ZBTB20: variants seen among roughly 807,000 people sequenced by gnomAD.
The protein encoded by ZBTB20 is zinc finger and BTB domain-containing protein 20.
ZBTB20 carries 9 observed loss-of-function variants against 56.9 expected under a neutral mutation model. The observed-to-expected ratio is 0.16, with a 90% confidence interval of 0.10 to 0.28. ZBTB20 has a LOEUF of 0.28. Among genes scored for constraint, ZBTB20 ranks in the 10% least tolerant of loss-of-function variants. The probability of loss-of-function intolerance (pLI) is 1.00; values close to 1 mark genes in which losing one functional copy is unlikely to be tolerated. For missense variants in ZBTB20, 655 were observed against 1,003.0 expected (o/e 0.65, Z 4.69); for synonymous variants, 417 against 420.7 (o/e 0.99, Z 0.11).
chr3:114,438,425 AC>A (rs1422837811), intron 7 of ZBTB20, among the ~76,000 whole-genome samples: 61 of 115,830 alleles, frequency 5.3e-4, no homozygotes, highest in Middle Eastern at 4.5e-3. Context: ...CCAAAAAAAA[AC>A]AAAAAAAACC....
At chr3:114,533,668 C>T (rs1398842981) in intron 6 of ZBTB20, among the ~76,000 whole-genome samples, 1 of 152,002 alleles carries the variant, frequency 6.6e-6, no homozygotes, top group Non-Finnish European at 1.5e-5. Flanking sequence ...AGAAGAGCAA[C>T]CCCAAGACAC....
chr3:114,347,077 GTTTTTTTTTTTTTTTTTTTTTT>G (rs59044965), intron 11 of ZBTB20, among the ~76,000 whole-genome samples: 1 of 71,022 alleles, frequency 1.4e-5, no homozygotes, highest in Non-Finnish European at 2.5e-5. Flanking sequence ...TTCTCTTCAG[GTTTTTTTTTTTTTTTTTTTTTT>G]TTTTTTTTTT....
chr3:114,836,842 G>A (rs546884197), intron 4 of ZBTB20, among the ~76,000 whole-genome samples: 1 of 152,186 alleles, frequency 6.6e-6, no homozygotes. Flanking sequence ...TGAAATGCAG[G>A]AAAGATGATA....
intron 1 of ZBTB20, among the ~76,000 whole-genome samples, chr3:115,091,432 C>G (rs2083189124): frequency 6.6e-6 from 1 of 151,844 alleles, no homozygotes; most frequent in Non-Finnish European, 1.5e-5. Context: ...GTATGTTACC[C>G]CAAATAATAG....
At chr3:114,489,024 A>C (rs1454734306) in intron 7 of ZBTB20, among the ~76,000 whole-genome samples, 1 of 152,194 alleles carries the variant, frequency 6.6e-6, no homozygotes, top group Non-Finnish European at 1.5e-5. Context: ...GAGAAAGATA[A>C]ACAGGACTGT....
At chr3:115,143,642 T>G (rs1021970536) in intron 1 of ZBTB20, among the ~76,000 whole-genome samples, 2 of 152,224 alleles carry the variant, frequency 1.3e-5, no homozygotes, top group African/African-American at 4.8e-5. Flanking sequence ...GGGATAATAC[T>G]ATGTAGGAAT....
intron 6 of ZBTB20, among the ~76,000 whole-genome samples, chr3:114,567,271 T>C (rs2052886718): frequency 6.6e-6 from 1 of 152,208 alleles, no homozygotes; most frequent in Non-Finnish European, 1.5e-5. Flanking sequence ...TTTCTAGCAA[T>C]TATCTATCTA....
At chr3:115,011,590 A>C (rs897369474) in intron 2 of ZBTB20, among the ~76,000 whole-genome samples, 5 of 151,826 alleles carry the variant, frequency 3.3e-5, no homozygotes, top group African/African-American at 1.2e-4. Flanking sequence ...AGAAATGAAG[A>C]CTTTCCCAGA....
intron 4 of ZBTB20, among the ~76,000 whole-genome samples, chr3:114,890,069 C>G (rs1015482965): frequency 2.0e-5 from 3 of 152,126 alleles, no homozygotes; most frequent in Admixed American, 6.5e-5. Flanking sequence ...AACAGAGAAA[C>G]TTAAATCCCT....
Position 114,328,343 on chromosome 3 carries a change from T to C in ZBTB20, c.*10662A>G, listed in dbSNP as rs1348685036. 2 of 152,166 alleles carry C rather than the reference T, an allele frequency of 1.3e-5. No homozygotes were observed. Among genetic ancestry groups the C allele is most frequent in the Non-Finnish European group, 2.9e-5 (2 of 68,032 alleles). 9.4% of individuals were successfully genotyped at this position (152,166 alleles called of 1,614,324 possible). ...GAGCTCACTAAGGCTTGAACAGTTATCAAAATTATTTTGAAATGTTACTCT... is the reference window on the plus strand; with the variant it reads ...GAGCTCACTAAGGCTTGAACAGTTACCAAAATTATTTTGAAATGTTACTCT... On this transcript the variant is annotated 3_prime_UTR_variant, in exon 12 of 12. Transcript: ENST00000675478.
intron 3 of ZBTB20, chr3:114,904,236 C>T (rs1037395793): frequency 3.3e-5 from 5 of 151,936 alleles, no homozygotes; most frequent in African/African-American, 1.2e-4. Context: ...TTCATCTTCC[C>T]TTCATACTAG....
At chr3:114,416,374 G>A (rs1174885138) in intron 7 of ZBTB20, among the ~76,000 whole-genome samples, 6 of 150,946 alleles carry the variant, frequency 4.0e-5, no homozygotes, top group African/African-American at 1.5e-4. Flanking sequence ...TTAGAACCTG[G>A]AAGATAAAGA....
chr3:114,474,460 C>A (rs574960369), intron 7 of ZBTB20, among the ~76,000 whole-genome samples: 1 of 152,298 alleles, frequency 6.6e-6, no homozygotes, highest in Admixed American at 6.5e-5. Context: ...ATAAACCACA[C>A]ATAATCCTCC....
At chr3:115,048,475 A>G (rs6780986) in intron 2 of ZBTB20, among the ~76,000 whole-genome samples, 147,932 of 152,234 alleles carry the variant, frequency 0.97, 72,027 homozygotes, top group East Asian at 1. Context: ...GGGTTTATAT[A>G]ATTTATACTG....
At chr3:114,448,952 T>C (rs2091436901) in intron 7 of ZBTB20, among the ~76,000 whole-genome samples, 1 of 152,154 alleles carries the variant, frequency 6.6e-6, no homozygotes, top group Admixed American at 6.6e-5. Flanking sequence ...TGAATGTATA[T>C]ATATACCTGC....
At position 114,380,744 on chromosome 3, in the gene ZBTB20, C is replaced by T. The variant is rs959631752; in HGVS notation, c.11+33G>A. The T allele has an allele frequency of 5.4e-6, 8 of 1,489,670 alleles. No individual in the cohort carries two copies. The African/African-American group carries it at 5.6e-5, about 10-fold the overall frequency. The allele number at this position is 1,489,670 out of a possible 1,614,324, so 92.3% of individuals were successfully genotyped here. A position where few individuals can be genotyped will look rare whatever the true frequency, so the allele number is the denominator to read the frequency against. Reference sequence around the variant, plus strand: ...CCTCTTCCCCCCTTAGGAGTTTTAACATGGTCTGGAAAAATACTAGTGGAA... The same window carrying T: ...CCTCTTCCCCCCTTAGGAGTTTTAATATGGTCTGGAAAAATACTAGTGGAA... On this transcript the variant is annotated intron_variant, in intron 9 of 11. Coordinates refer to ENST00000675478, the MANE Select transcript of ZBTB20 (RefSeq NM_001348800.3).
intron 7 of ZBTB20, among the ~76,000 whole-genome samples, chr3:114,410,984 G>A (rs1021818102): frequency 6.6e-6 from 1 of 152,100 alleles, no homozygotes; most frequent in Admixed American, 6.5e-5. Context: ...GAGTTAGTGA[G>A]GGTTTTAGTT....
intron 6 of ZBTB20, chr3:114,599,152 C>T: frequency 6.6e-6 from 1 of 152,066 alleles, no homozygotes; most frequent in East Asian, 1.9e-4. Context: ...AACATGATCT[C>T]TGTGCTATTT....
At chr3:115,029,672 G>A (rs2080583189) in intron 2 of ZBTB20, among the ~76,000 whole-genome samples, 1 of 150,670 alleles carries the variant, frequency 6.6e-6, no homozygotes. Flanking sequence ...ATGGTGCTGA[G>A]ACAACTGGTT....
Sources: allele counts gnomAD v4.1 joint callset (sites outside exome capture counted in the v4.1 genomes callset), GRCh38; gene constraint gnomAD v4.1.1; transcripts MANE v1.5; gene names NCBI Gene and HGNC (gene_info 2026-07-23, HGNC 2026-07-21).